Variants in TSPAN14 observed in about 807,000 individuals in gnomAD.
The protein encoded by TSPAN14 is tetraspanin-14.
In TSPAN14, 16 loss-of-function variants were observed where a neutral mutation model predicts 36.6. The ratio of observed to expected loss-of-function variants is 0.44; its 90% CI spans 0.30 to 0.66. The LOEUF (loss-of-function observed/expected upper bound fraction) is 0.66. Ranked by LOEUF, TSPAN14 falls within the 30% of genes least tolerant of loss-of-function variation. TSPAN14 has a pLI of 0.12. For synonymous variants in TSPAN14, 139 were observed against 143.8 expected (o/e 0.97, Z 0.24); for missense variants, 231 against 355.1 (o/e 0.65, Z 2.81).
chr10:80,483,861 G>T lies in TSPAN14; in HGVS notation c.-17-5356G>T, dbSNP rs548366037. On this transcript the variant is annotated intron_variant, in intron 1 of 8. Transcript: ENST00000429989. ...GGAGGCGGAGGTTGCAGTGAGCCAA[G>T]ATTGCACCATTGCACTCCAGCCTGG... Among the ~76,000 whole-genome samples the T allele has an allele frequency of 3.3e-5, 4 of 121,034 alleles. No individual in the cohort carries two copies. The South Asian group carries it at 1.1e-3, about 35-fold the overall frequency. The allele number at this position is 121,034 out of a possible 152,430, so 79.4% of individuals were successfully genotyped here.
exon 9 of TSPAN14, chr10:80,520,854 C>T (rs1306474421): frequency 3.8e-6 from 2 of 528,652 alleles, no homozygotes; most frequent in Admixed American, 1.9e-5. Context: ...CCTGAATGTC[C>T]TCTGCTTCTC....
At chr10:80,501,662 C>T (rs1212126174) in intron 2 of TSPAN14, among the ~76,000 whole-genome samples, 1 of 152,206 alleles carries the variant, frequency 6.6e-6, no homozygotes. Context: ...GGGGCATCGG[C>T]CTCTGGGCTT....
rs60589813 is a variant in TSPAN14, at chr10:80,476,409, G to GTTT, written c.-17-12786_-17-12784dup. Reference sequence around the variant, plus strand: ...ATGCTGTGAAAATAGTTGTTTTACTGTTTTTTTTTTTTTTTTTTTTTTTTG... The same window carrying GTTT: ...ATGCTGTGAAAATAGTTGTTTTACTGTTTTTTTTTTTTTTTTTTTTTTTTTTTG... On this transcript the variant is annotated intron_variant, in intron 1 of 8. Transcript: ENST00000429989. Among the ~76,000 whole-genome samples the GTTT allele has an allele frequency of 3.5e-3, 301 of 85,040 alleles. 7 individuals are homozygous for GTTT. Among genetic ancestry groups the GTTT allele is most frequent in the African/African-American group, 0.01 (244 of 23,668 alleles). The allele number at this position is 85,040 out of a possible 152,430, so 55.8% of individuals were successfully genotyped here.
At chr10:80,504,647 T>G (rs1371309922) in intron 2 of TSPAN14, 81 bp from the exon 3 acceptor site, 3 of 1,553,660 alleles carry the variant, frequency 1.9e-6, no homozygotes, top group South Asian at 2.2e-5. Context: ...TACCTGGCAG[T>G]GTGGACTTTG....
At chr10:80,496,758 A>T (rs80252765) in intron 2 of TSPAN14, among the ~76,000 whole-genome samples, 4,883 of 151,868 alleles carry the variant, frequency 0.032, 259 homozygotes, top group African/African-American at 0.11. Flanking sequence ...AAACCCATCT[A>T]GTGAAGTCTT....
chr10:80,476,573 A>C (rs757052372), intron 1 of TSPAN14, among the ~76,000 whole-genome samples: 1 of 151,442 alleles, frequency 6.6e-6, no homozygotes, highest in Admixed American at 6.6e-5. Flanking sequence ...CCGCTACCAC[A>C]CCCGGCTAAT....
intron 1 of TSPAN14, among the ~76,000 whole-genome samples, chr10:80,483,587 A>G (rs1239536487): frequency 2.6e-5 from 4 of 152,136 alleles, no homozygotes; most frequent in Non-Finnish European, 5.9e-5. Context: ...GTTTGCCACA[A>G]TAGTGGTGGC....
rs1198074728 is a variant in TSPAN14, at chr10:80,500,692, A to G, written c.82-4036A>G. 2.0e-5 allele frequency among the ~76,000 whole-genome samples: 3 copies of G among 152,146 alleles called. No homozygotes were observed. The East Asian group carries it at 5.8e-4, about 29-fold the overall frequency. On this transcript the variant is annotated intron_variant, in intron 2 of 8. Coordinates refer to ENST00000429989, the Ensembl canonical transcript of TSPAN14. ...AGCTGAGAGAAAGAGAACTGCACGC[A>G]GTGGTGGGGAGCTGGCTTCCCCAGT... is the stretch of plus-strand genomic sequence containing the variant.
At chr10:80,517,335 G>C (rs1296005318) in intron 8 of TSPAN14, among the ~76,000 whole-genome samples, 1 of 152,084 alleles carries the variant, frequency 6.6e-6, no homozygotes, top group Non-Finnish European at 1.5e-5. Flanking sequence ...AATTTAAAGG[G>C]AAAAAAAGCC....
chr10:80,517,500 G>A (rs1405093339), intron 8 of TSPAN14, among the ~76,000 whole-genome samples: 2 of 152,218 alleles, frequency 1.3e-5, no homozygotes, highest in Admixed American at 6.5e-5. Flanking sequence ...TTATGGAATC[G>A]ACGTTTACAG....
At chr10:80,490,775 A>G (rs773979407) in intron 2 of TSPAN14, among the ~76,000 whole-genome samples, 9 of 152,172 alleles carry the variant, frequency 5.9e-5, no homozygotes, top group Non-Finnish European at 1.2e-4. Flanking sequence ...GAGATGGTCA[A>G]GGGATTAAGG....
intron 2 of TSPAN14, among the ~76,000 whole-genome samples, chr10:80,497,067 C>G (rs1026762927): frequency 2.6e-5 from 4 of 152,110 alleles, no homozygotes; most frequent in African/African-American, 9.7e-5. Context: ...TCTTTTGTGT[C>G]TGACATCTTT....
chr10:80,517,867 C>T, intron 8 of TSPAN14, 38 bp from the exon 9 acceptor site: 1 of 1,551,068 alleles, frequency 6.4e-7, no homozygotes, highest in Non-Finnish European at 8.7e-7. Flanking sequence ...CCTTTGGGCC[C>T]CAGCAATGGC....
exon 9 of TSPAN14, chr10:80,521,462 CG>C (rs1399052460): frequency 6.6e-6 from 1 of 152,650 alleles, no homozygotes; most frequent in East Asian, 1.9e-4. Flanking sequence ...TTACGGGTGT[CG>C]GTCCACAGAA....
intron 1 of TSPAN14, among the ~76,000 whole-genome samples, 197 bp from the exon 2 acceptor site, chr10:80,489,020 G>A (rs577099577): frequency 5.3e-5 from 8 of 152,270 alleles, no homozygotes; most frequent in East Asian, 1.9e-4. Context: ...TTATCCTTTC[G>A]TTTGTCTTTT....
At chr10:80,505,967 G>T (rs965982247) in intron 3 of TSPAN14, among the ~76,000 whole-genome samples, 1 of 152,238 alleles carries the variant, frequency 6.6e-6, no homozygotes. Context: ...AAATGTAGGA[G>T]CTTGGGATCA....
chr10:80,488,188 T>C (rs1328704147), intron 1 of TSPAN14, among the ~76,000 whole-genome samples: 1 of 151,862 alleles, frequency 6.6e-6, no homozygotes, highest in Admixed American at 6.6e-5. Context: ...TCTGATCCTG[T>C]CCCTACCTGT....
intron 1 of TSPAN14, among the ~76,000 whole-genome samples, chr10:80,460,506 G>A (rs1845915747): frequency 6.6e-6 from 1 of 152,178 alleles, no homozygotes; most frequent in Non-Finnish European, 1.5e-5. Context: ...GTATCCCGTG[G>A]TTGGCAGTGT....
At chr10:80,493,608 A>G (rs1385150177) in intron 2 of TSPAN14, among the ~76,000 whole-genome samples, 1 of 152,246 alleles carries the variant, frequency 6.6e-6, no homozygotes, top group Non-Finnish European at 1.5e-5. Flanking sequence ...AGCATGGGTA[A>G]ACCTTGAGTA....
Sources: allele counts gnomAD v4.1 joint callset (sites outside exome capture counted in the v4.1 genomes callset), GRCh38; gene constraint gnomAD v4.1.1; transcripts MANE v1.5; gene names NCBI Gene and HGNC (gene_info 2026-07-23, HGNC 2026-07-21).